KCNMA1: variants seen among roughly 807,000 people sequenced by gnomAD.
KCNMA1 encodes the protein potassium calcium-activated channel subfamily M alpha 1.
A neutral mutation model predicts 140.0 loss-of-function variants in KCNMA1; 29 were observed. That is an observed-to-expected ratio of 0.21 (90% CI 0.15 to 0.28). The LOEUF (loss-of-function observed/expected upper bound fraction) is 0.28. Ranked by LOEUF, KCNMA1 falls within the 10% of genes least tolerant of loss-of-function variation. The pLI is 1.00. For synonymous variants in KCNMA1, 612 were observed against 611.9 expected (o/e 1.00, Z 0.00); for missense variants, 880 against 1,602.2 (o/e 0.55, Z 7.70).
chr10:77,443,256 C>A (rs908952554), intron 1 of KCNMA1, among the ~76,000 whole-genome samples: 3 of 152,184 alleles, frequency 2.0e-5, no homozygotes, highest in Non-Finnish European at 4.4e-5. Flanking sequence ...GCTTCCAGGA[C>A]ACTCCTGCAG....
intron 2 of KCNMA1, among the ~76,000 whole-genome samples, chr10:77,380,430 A>T (rs573896459): frequency 6.6e-6 from 1 of 152,270 alleles, no homozygotes; most frequent in Admixed American, 6.5e-5. Flanking sequence ...GAACCACTTC[A>T]GTTTCCTTCC....
intron 1 of KCNMA1, among the ~76,000 whole-genome samples, chr10:77,525,571 C>T (rs2055276322): frequency 6.6e-6 from 1 of 152,256 alleles, no homozygotes; most frequent in Admixed American, 6.5e-5. Context: ...TGGCCCCACA[C>T]AGCTGGTGCC....
intron 3 of KCNMA1, among the ~76,000 whole-genome samples, chr10:77,232,662 A>C (rs2154209365): frequency 6.6e-6 from 1 of 152,208 alleles, no homozygotes. Flanking sequence ...TTTAATTTTG[A>C]TGAGGTCCAA....
intron 20 of KCNMA1, among the ~76,000 whole-genome samples, chr10:76,965,300 C>T (rs1339302415): frequency 6.6e-6 from 1 of 152,128 alleles, no homozygotes; most frequent in African/African-American, 2.4e-5. Context: ...ACTATGTATC[C>T]CAGTCCTGGT....
At chr10:77,262,959 C>T (rs2062423767) in intron 2 of KCNMA1, among the ~76,000 whole-genome samples, 1 of 152,152 alleles carries the variant, frequency 6.6e-6, no homozygotes, top group African/African-American at 2.4e-5. Context: ...CTGAATTGTA[C>T]CCTTACAAAT....
chr10:77,405,479 G>T (rs2096441677), intron 1 of KCNMA1, among the ~76,000 whole-genome samples: 1 of 152,192 alleles, frequency 6.6e-6, no homozygotes, highest in African/African-American at 2.4e-5. Context: ...GCTGGGTTTA[G>T]TGTTGCCAGA....
intron 1 of KCNMA1, among the ~76,000 whole-genome samples, chr10:77,548,965 GA>G (rs1268630082): frequency 6.6e-6 from 1 of 152,196 alleles, no homozygotes; most frequent in Non-Finnish European, 1.5e-5. Flanking sequence ...TGAATACTTT[GA>G]AAAATCATGA....
chr10:77,471,551 C>T (rs867105149), intron 1 of KCNMA1, among the ~76,000 whole-genome samples: 2 of 151,026 alleles, frequency 1.3e-5, no homozygotes, highest in Non-Finnish European at 3.0e-5. Flanking sequence ...TACACACACA[C>T]CATACACTGC....
chr10:77,312,820 G>T (rs2079694032), intron 2 of KCNMA1, among the ~76,000 whole-genome samples: 1 of 152,140 alleles, frequency 6.6e-6, no homozygotes, highest in Non-Finnish European at 1.5e-5. Context: ...GGGTGTACTT[G>T]TTTCCATTGT....
At chr10:77,631,405 C>T (rs904906793) in intron 1 of KCNMA1, among the ~76,000 whole-genome samples, 3 of 152,190 alleles carry the variant, frequency 2.0e-5, no homozygotes, top group Admixed American at 6.5e-5. Context: ...CCAGTGTTCC[C>T]CACACGGCCC....
Position 77,136,278 on chromosome 10 carries a change from T to C in KCNMA1, c.809-15230A>G, listed in dbSNP as rs2098024585. Among the ~76,000 whole-genome samples, 2 of 152,220 alleles carry C rather than the reference T, an allele frequency of 1.3e-5. 1 individual carries two copies. The highest frequency in any genetic ancestry group is 4.1e-4 in the South Asian group (2 of 4,834). The stretch of plus-strand genomic sequence containing the variant: ...ATCCAAAAATAGGTCTTACGTCTGA[T>C]ACATCTTCTTTATAGGATATTATAT... On this transcript the variant is annotated intron_variant, in intron 5 of 27. Coordinates refer to ENST00000286628, the MANE Select transcript of KCNMA1 (RefSeq NM_001161352.2).
chr10:77,570,250 G>T (rs1287615447), intron 1 of KCNMA1, among the ~76,000 whole-genome samples: 13 of 145,624 alleles, frequency 8.9e-5, no homozygotes, highest in African/African-American at 3.0e-4. Flanking sequence ...TATACCCAAA[G>T]GACTATAAAT....
chr10:77,012,221 C>A (rs1362876486), intron 17 of KCNMA1, 178 bp from the exon 18 acceptor site: 1 of 1,484,086 alleles, frequency 6.7e-7, no homozygotes, highest in African/African-American at 1.4e-5. Context: ...CCATTTATTT[C>A]AAACACAGGA....
chr10:77,262,263 G>T (rs144798673), intron 2 of KCNMA1, among the ~76,000 whole-genome samples: 1 of 152,148 alleles, frequency 6.6e-6, no homozygotes. Context: ...ATACTACGAC[G>T]TGAATGACCC....
intron 23 of KCNMA1, among the ~76,000 whole-genome samples, chr10:76,930,859 A>ACAT (rs2059096710): frequency 6.6e-6 from 1 of 152,244 alleles, no homozygotes; most frequent in African/African-American, 2.4e-5. Flanking sequence ...GAACTGGAGA[A>ACAT]CATCATGCTA....
chr10:76,930,376 G>C (rs2152683119), intron 23 of KCNMA1: 1 of 152,162 alleles, frequency 6.6e-6, no homozygotes. Flanking sequence ...GATATGAAAA[G>C]GTGCTCAATA....
At chr10:77,374,283 T>A (rs1242775783) in intron 2 of KCNMA1, among the ~76,000 whole-genome samples, 2 of 152,136 alleles carry the variant, frequency 1.3e-5, no homozygotes, top group East Asian at 3.9e-4. Context: ...TGAGCTAATT[T>A]AAGCTAGTCT....
At position 77,119,198 on chromosome 10, in the gene KCNMA1, C is replaced by T. The variant is rs189187932; in HGVS notation, c.884+1775G>A. 4.5e-4 allele frequency among the ~76,000 whole-genome samples: 69 copies of T among 152,286 alleles called. 1 individual carries two copies. The highest frequency in any genetic ancestry group is 4.4e-3 in the Admixed American group (68 of 15,308). On this transcript the variant is annotated intron_variant, in intron 6 of 27. Coordinates refer to ENST00000286628, the MANE Select transcript of KCNMA1 (RefSeq NM_001161352.2). ...CCAGGGATCCCACAGCCACTTCCCG[C>T]ATCCAAAGGAAAGAGAGGTGAGTGT... is the stretch of plus-strand genomic sequence containing the variant.
rs11001970 is a variant in KCNMA1, at chr10:77,013,853, C to T, written c.2016-1810G>A. 1.9e-3 allele frequency among the ~76,000 whole-genome samples: 290 copies of T among 152,278 alleles called. 7 individuals carry two copies. The East Asian group carries it at 0.049, about 26-fold the overall frequency. ...AAAGCTGAGATTGAATTCACATAGC[C>T]TGGCACCAGAGCCCAAGGTCTATAC... On this transcript the variant is annotated intron_variant, in intron 17 of 27. Coordinates refer to ENST00000286628, the MANE Select transcript of KCNMA1 (RefSeq NM_001161352.2).
Sources: allele counts gnomAD v4.1 joint callset (sites outside exome capture counted in the v4.1 genomes callset), GRCh38; gene constraint gnomAD v4.1.1; transcripts MANE v1.5; gene names NCBI Gene and HGNC (gene_info 2026-07-23, HGNC 2026-07-21).